Variants in PALM2AKAP2 observed in about 807,000 individuals in gnomAD.
The protein encoded by PALM2AKAP2 is PALM2 and AKAP2 fusion, also known as PALM2-AKAP2 fusion protein.
In PALM2AKAP2, 37 loss-of-function variants were observed where a neutral mutation model predicts 71.5. The observed-to-expected ratio is 0.52, with a 90% CI of 0.40 to 0.68. PALM2AKAP2 has a LOEUF of 0.68. PALM2AKAP2 is among the 30% of genes least tolerant of loss of function. The pLI, the probability that PALM2AKAP2 is intolerant of heterozygous loss-of-function variation, is 0.00. For synonymous variants in PALM2AKAP2, 468 were observed against 478.8 expected, an observed-to-expected ratio of 0.98 and a Z score of 0.29; for missense variants, 1,224 against 1,191.8, an observed-to-expected ratio of 1.03 and a Z score of -0.40.
At chr9:109,973,620 A>G (rs1832113519) in intron 6 of PALM2AKAP2, among the ~76,000 whole-genome samples, 1 of 152,344 alleles carries the variant, frequency 6.6e-6, no homozygotes, top group East Asian at 1.9e-4. Context: ...ACAATGAGTG[A>G]GGATATATAA....
intron 1 of PALM2AKAP2, among the ~76,000 whole-genome samples, chr9:109,722,008 C>T (rs141358563): frequency 6.6e-6 from 1 of 152,264 alleles, no homozygotes; most frequent in East Asian, 1.9e-4. Context: ...ATTCTTTGAC[C>T]TAGTGATGAG....
At chr9:109,640,985 C>G (rs1022334173) in intron 1 of PALM2AKAP2, 1 of 1,341,788 alleles carries the variant, frequency 7.5e-7, no homozygotes, top group Non-Finnish European at 9.7e-7. Flanking sequence ...AATTTCAGCC[C>G]CGTGTGTACG....
chr9:110,051,423 T>C (rs1833707346), intron 1 of PALM2AKAP2, among the ~76,000 whole-genome samples: 1 of 152,254 alleles, frequency 6.6e-6, no homozygotes, highest in Non-Finnish European at 1.5e-5. Flanking sequence ...GCAAACACTT[T>C]GGTCTTTCTA....
At chr9:110,049,443 A>G (rs1243222679) in intron 1 of PALM2AKAP2, among the ~76,000 whole-genome samples, 1 of 152,170 alleles carries the variant, frequency 6.6e-6, no homozygotes. Context: ...AGCTGAACTC[A>G]GGAGATGATG....
intron 1 of PALM2AKAP2, among the ~76,000 whole-genome samples, chr9:110,132,499 T>C (rs1002842481): frequency 6.6e-6 from 1 of 151,746 alleles, no homozygotes; most frequent in Non-Finnish European, 1.5e-5. Context: ...CTGGCCAACT[T>C]TTGTATTTTT....
chr9:109,866,687 C>T (rs1297728900), intron 1 of PALM2AKAP2, among the ~76,000 whole-genome samples: 3 of 152,084 alleles, frequency 2.0e-5, no homozygotes, highest in African/African-American at 7.2e-5. Flanking sequence ...TGTTCTAGGC[C>T]TTTTACGTTA....
intron 1 of PALM2AKAP2, among the ~76,000 whole-genome samples, chr9:109,795,896 G>A (rs928441843): frequency 6.6e-6 from 1 of 152,226 alleles, no homozygotes; most frequent in Non-Finnish European, 1.5e-5. Context: ...CCATATGGGC[G>A]AGCAGAGGTG....
intron 5 of PALM2AKAP2, among the ~76,000 whole-genome samples, chr9:109,926,646 T>A (rs1188630052): frequency 1.3e-5 from 2 of 152,178 alleles, no homozygotes; most frequent in Non-Finnish European, 2.9e-5. Context: ...CACTGACCCA[T>A]GAACACCTAC....
chr9:110,016,039 G>C (rs771595304), exon 7 of PALM2AKAP2: 9 of 1,612,956 alleles, frequency 5.6e-6, no homozygotes, highest in Non-Finnish European at 8.5e-7. Flanking sequence ...TGACTATCAA[G>C]GTAAGGGATT....
chr9:109,850,865 A>G (rs1166747615), intron 1 of PALM2AKAP2, among the ~76,000 whole-genome samples: 1 of 152,128 alleles, frequency 6.6e-6, no homozygotes, highest in Non-Finnish European at 1.5e-5. Context: ...GTGATCTTCC[A>G]CCTTGACTGA....
intron 1 of PALM2AKAP2, among the ~76,000 whole-genome samples, chr9:110,108,691 C>A (rs759392391): frequency 6.6e-6 from 1 of 152,048 alleles, no homozygotes; most frequent in Non-Finnish European, 1.5e-5. Flanking sequence ...ATGAAAAAAT[C>A]TTCAAAATAG....
intron 5 of PALM2AKAP2, 137 bp downstream of exon 5, chr9:109,925,219 G>A: frequency 7.5e-7 from 1 of 1,335,778 alleles, no homozygotes; most frequent in Non-Finnish European, 1.0e-6. Flanking sequence ...GCTGGTTGCA[G>A]GCCACTGAGG....
chr9:109,730,517 A>G (rs1027294226), intron 1 of PALM2AKAP2, among the ~76,000 whole-genome samples: 1 of 152,218 alleles, frequency 6.6e-6, no homozygotes, highest in African/African-American at 2.4e-5. Context: ...AGGAACATAC[A>G]TTAACCGTCT....
At chr9:110,140,231 A>C (rs1043481651) in intron 2 of PALM2AKAP2, among the ~76,000 whole-genome samples, 1 of 152,106 alleles carries the variant, frequency 6.6e-6, no homozygotes, top group African/African-American at 2.4e-5. Context: ...TATTATTTTT[A>C]TCCGCAACTT....
intron 7 of PALM2AKAP2, among the ~76,000 whole-genome samples, chr9:110,043,658 C>T (rs550732041): frequency 2.7e-5 from 4 of 146,162 alleles, no homozygotes; most frequent in African/African-American, 1.0e-4. Flanking sequence ...TTGAGTATCT[C>T]TTCACAAGTT....
intron 6 of PALM2AKAP2, among the ~76,000 whole-genome samples, chr9:109,976,342 A>C (rs901274936): frequency 5.6e-4 from 86 of 152,376 alleles, no homozygotes; most frequent in African/African-American, 1.9e-3. Flanking sequence ...ACAAAGGAGG[A>C]AACTGAGGCA....
chr9:109,944,675 G>A (rs1427082524), intron 6 of PALM2AKAP2: 2 of 152,108 alleles, frequency 1.3e-5, no homozygotes, highest in Non-Finnish European at 2.9e-5. Flanking sequence ...GCTTCTTAGG[G>A]CATTGTTTTG....
At chr9:110,027,472 T>C (rs1833200722) in intron 7 of PALM2AKAP2, among the ~76,000 whole-genome samples, 1 of 152,188 alleles carries the variant, frequency 6.6e-6, no homozygotes, top group South Asian at 2.1e-4. Context: ...ATACAAAAAA[T>C]TTTAGCACAG....
chr9:110,137,030 T>C (rs777379449), exon 2 of PALM2AKAP2: 4 of 1,613,732 alleles, frequency 2.5e-6, no homozygotes, highest in Non-Finnish European at 3.4e-6. Flanking sequence ...GCACAAAAAG[T>C]ACAAGGAGCG....
Sources: allele counts gnomAD v4.1 joint callset (sites outside exome capture counted in the v4.1 genomes callset), GRCh38; gene constraint gnomAD v4.1.1; transcripts MANE v1.5; gene names NCBI Gene and HGNC (gene_info 2026-07-23, HGNC 2026-07-21).